Variants in SND1 observed in about 807,000 individuals in gnomAD.
SND1 encodes the protein staphylococcal nuclease domain-containing protein 1.
A neutral mutation model predicts 121.7 loss-of-function variants in SND1; 38 were observed. That is an observed-to-expected ratio of 0.31 (90% CI 0.24 to 0.41). SND1 has a LOEUF of 0.41. SND1 is among the 10% of genes least tolerant of loss of function. SND1 has a pLI of 1.00. For missense variants in SND1, 868 were observed against 1,184.6 expected, an observed-to-expected ratio of 0.73 and a Z score of 3.92; for synonymous variants, 401 against 447.4, an observed-to-expected ratio of 0.90 and a Z score of 1.31.
chr7:127,739,441 T>G (rs1330504417), intron 10 of SND1, among the ~76,000 whole-genome samples: 1 of 152,206 alleles, frequency 6.6e-6, no homozygotes, highest in Non-Finnish European at 1.5e-5. Flanking sequence ...CTGGGTGCTT[T>G]CTGAGGCCCA....
At chr7:127,765,388 TCA>T in intron 10 of SND1, among the ~76,000 whole-genome samples, 1 of 152,358 alleles carries the variant, frequency 6.6e-6, no homozygotes, top group South Asian at 2.1e-4. Context: ...CACGTCTCAC[TCA>T]GACATATGTC....
Position 127,703,159 on chromosome 7 carries a change from C to G in SND1, c.682-6C>G, listed in dbSNP as rs767855152. ...GCATTACTCACCTACCTTGCCTTTG[C>G]TTTAGTGCCCAACTTTTCGACGGGA... On this transcript the variant is annotated splice_region_variant and splice_polypyrimidine_tract_variant and intron_variant, in intron 6 of 23. Transcript: ENST00000354725. 9 of 1,613,938 alleles carry G rather than the reference C, an allele frequency of 5.6e-6. No homozygotes were observed. In the African/African-American group the frequency reaches 8.0e-5, roughly 14 times the overall value.
At chr7:128,000,783 A>G (rs1411294444) in intron 16 of SND1, among the ~76,000 whole-genome samples, 1 of 152,224 alleles carries the variant, frequency 6.6e-6, no homozygotes, top group Non-Finnish European at 1.5e-5. Flanking sequence ...ATGGAATTAC[A>G]TAATTCAACT....
intron 1 of SND1, among the ~76,000 whole-genome samples, chr7:127,659,101 T>C (rs1795264005): frequency 6.6e-6 from 1 of 152,270 alleles, no homozygotes; most frequent in Non-Finnish European, 1.5e-5. Flanking sequence ...TTACTGGGCT[T>C]ATCTGGCTTT....
At chr7:127,820,216 C>G (rs1798521664) in intron 11 of SND1, among the ~76,000 whole-genome samples, 1 of 152,172 alleles carries the variant, frequency 6.6e-6, no homozygotes. Context: ...CAATGGTTTT[C>G]TCTCATTTGA....
At chr7:127,801,961 C>T (rs551365423) in intron 10 of SND1, among the ~76,000 whole-genome samples, 1 of 152,256 alleles carries the variant, frequency 6.6e-6, no homozygotes, top group East Asian at 1.9e-4. Flanking sequence ...CCTGCCTCAG[C>T]CTCCCGAGTA....
intron 14 of SND1, among the ~76,000 whole-genome samples, chr7:127,920,477 A>G (rs532173634): frequency 2.8e-4 from 42 of 152,206 alleles, no homozygotes; most frequent in Non-Finnish European, 4.9e-4. Context: ...CCATGATACT[A>G]TAAACACTGA....
intron 16 of SND1, among the ~76,000 whole-genome samples, chr7:127,994,777 T>C (rs540868278): frequency 1.1e-4 from 16 of 152,232 alleles, no homozygotes; most frequent in Non-Finnish European, 2.2e-4. Context: ...AGTGGCGCGA[T>C]CTCAGCTCAC....
chr7:127,671,837 G>C (rs11976946), intron 1 of SND1, among the ~76,000 whole-genome samples: 49,809 of 152,156 alleles, frequency 0.33, 9,075 homozygotes, highest in Admixed American at 0.42. Context: ...TCTTGTGCTA[G>C]GAATACTAGA....
At chr7:128,017,028 G>A (rs909268878) in intron 16 of SND1, among the ~76,000 whole-genome samples, 4 of 152,308 alleles carry the variant, frequency 2.6e-5, no homozygotes, top group Admixed American at 2.6e-4. Flanking sequence ...CAGATTCACT[G>A]CCAGAAACTT....
chr7:127,751,566 A>AGG lies in SND1; in HGVS notation c.1152+30167_1152+30168insGG, dbSNP rs538839088. On this transcript the variant is annotated intron_variant, in intron 10 of 23. Coordinates refer to ENST00000354725, the MANE Select transcript of SND1 (RefSeq NM_014390.4). ...AAAAAAGGAAGTTGGCTAGAGAGAG[A>AGG]GTCTTAGGCTATAGCCTTCATTTGG... 2.4e-3 allele frequency among the ~76,000 whole-genome samples: 368 copies of AGG among 152,034 alleles called. 4 individuals are homozygous for AGG. Among genetic ancestry groups the AGG allele is most frequent in the Non-Finnish European group, 2.6e-3 (180 of 67,940 alleles).
intron 12 of SND1, among the ~76,000 whole-genome samples, chr7:127,864,077 A>C (rs773640416): frequency 6.6e-6 from 1 of 152,100 alleles, no homozygotes; most frequent in African/African-American, 2.4e-5. Flanking sequence ...TCTGAAATGT[A>C]TACTTGATGA....
intron 16 of SND1, among the ~76,000 whole-genome samples, chr7:128,060,026 CT>C (rs1275843598): frequency 7.2e-5 from 11 of 152,284 alleles, no homozygotes; most frequent in Middle Eastern, 3.4e-3. Context: ...GATGGAGTTA[CT>C]TGTTAGGAAG....
chr7:127,925,428 CT>C (rs893247289), intron 14 of SND1, among the ~76,000 whole-genome samples: 1 of 152,108 alleles, frequency 6.6e-6, no homozygotes, highest in African/African-American at 2.4e-5. Flanking sequence ...AATCCCAGAC[CT>C]TATGTAAGGA....
At chr7:128,024,625 A>C (rs1803433055) in intron 16 of SND1, among the ~76,000 whole-genome samples, 1 of 152,166 alleles carries the variant, frequency 6.6e-6, no homozygotes, top group Non-Finnish European at 1.5e-5. Flanking sequence ...GTTCCACGGC[A>C]CTCAGCAAGT....
intron 12 of SND1, among the ~76,000 whole-genome samples, chr7:127,874,944 A>G (rs887292208): frequency 2.0e-5 from 3 of 152,168 alleles, no homozygotes. Flanking sequence ...ACTTATTTCT[A>G]TTTTACAGAA....
Position 128,030,135 on chromosome 7 carries a change from C to T in SND1, c.1779+39079C>T, listed in dbSNP as rs1412590926. 6.2e-7 allele frequency: 1 copy of T among 1,614,152 alleles called. No individual in the cohort carries two copies. On this transcript the variant is annotated intron_variant, in intron 16 of 23. Coordinates refer to ENST00000354725, the MANE Select transcript of SND1 (RefSeq NM_014390.4). ...GTCCAGGCGCATGAGGGAGGGCACC[C>T]GGTTGAAGGCGTAAGAGGGGATGCT...
intron 16 of SND1, among the ~76,000 whole-genome samples, chr7:128,068,113 G>T (rs1793348283): frequency 6.6e-6 from 1 of 152,092 alleles, no homozygotes; most frequent in Non-Finnish European, 1.5e-5. Context: ...ATCCAGCTTG[G>T]CTGCAGGCTC....
Position 127,746,097 on chromosome 7 carries a change from T to C in SND1, c.1152+24697T>C, listed in dbSNP as rs562891947. On this transcript the variant is annotated intron_variant, in intron 10 of 23. Coordinates refer to ENST00000354725, the MANE Select transcript of SND1 (RefSeq NM_014390.4). ...AACACTGTCACAGGACACACACAGA[T>C]GTGACTTGTGTGTGTCAGTGTTGTG... Among the ~76,000 whole-genome samples the C allele has an allele frequency of 2.3e-4, 35 of 152,336 alleles. No homozygotes were observed. In the South Asian group the frequency reaches 7.3e-3, roughly 32 times the overall value.
Sources: allele counts gnomAD v4.1 joint callset (sites outside exome capture counted in the v4.1 genomes callset), GRCh38; gene constraint gnomAD v4.1.1; transcripts MANE v1.5; gene names NCBI Gene and HGNC (gene_info 2026-07-23, HGNC 2026-07-21).